CNTNAP5: variants seen among roughly 807,000 people sequenced by gnomAD.
CNTNAP5 encodes contactin-associated protein-like 5.
CNTNAP5 carries 72 observed loss-of-function variants against 150.2 expected under a neutral mutation model. The observed-to-expected ratio is 0.48, with a 90% confidence interval of 0.40 to 0.58. CNTNAP5 has a LOEUF of 0.58. Among genes scored for constraint, CNTNAP5 ranks in the 20% least tolerant of loss-of-function variants. The pLI, the probability that CNTNAP5 is intolerant of heterozygous loss-of-function variation, is 0.00. For synonymous variants in CNTNAP5, 672 were observed against 619.8 expected (o/e 1.08, Z -1.25); for missense variants, 1,636 against 1,626.2 (o/e 1.01, Z -0.10).
chr2:124,577,374 C>T (rs1320348831), intron 11 of CNTNAP5, among the ~76,000 whole-genome samples: 1 of 152,172 alleles, frequency 6.6e-6, no homozygotes, highest in African/African-American at 2.4e-5. Context: ...GCTGATTCCA[C>T]AGTTTATTTT....
At chr2:124,665,167 A>G (rs10171962) in intron 13 of CNTNAP5, among the ~76,000 whole-genome samples, 37,468 of 152,172 alleles carry the variant, frequency 0.25, 4,841 homozygotes, top group African/African-American at 0.33. Context: ...ATCAAAGGGT[A>G]TATTTACAAT....
intron 22 of CNTNAP5, among the ~76,000 whole-genome samples, chr2:124,906,671 C>A (rs1678544166): frequency 6.6e-6 from 1 of 152,218 alleles, no homozygotes; most frequent in Middle Eastern, 3.4e-3. Flanking sequence ...AGCCTGAGAT[C>A]TGTAGTGCCC....
chr2:124,439,750 C>A (rs1692628978), intron 5 of CNTNAP5, among the ~76,000 whole-genome samples: 1 of 152,106 alleles, frequency 6.6e-6, no homozygotes, highest in Non-Finnish European at 1.5e-5. Flanking sequence ...GCGTATTGCC[C>A]AACAAAGTTG....
intron 19 of CNTNAP5, among the ~76,000 whole-genome samples, chr2:124,825,154 C>A (rs1682566953): frequency 1.3e-5 from 2 of 151,788 alleles, no homozygotes; most frequent in African/African-American, 2.4e-5. Flanking sequence ...GGTAAATATA[C>A]CGCATTCTGC....
chr2:124,444,386 G>A (rs1168864587), intron 5 of CNTNAP5, among the ~76,000 whole-genome samples: 1 of 152,098 alleles, frequency 6.6e-6, no homozygotes, highest in East Asian at 1.9e-4. Flanking sequence ...TTGAGGTCAG[G>A]AGTTCAAGAC....
chr2:124,380,596 A>T (rs1308553274), intron 3 of CNTNAP5, among the ~76,000 whole-genome samples: 1 of 151,898 alleles, frequency 6.6e-6, no homozygotes, highest in African/African-American at 2.4e-5. Context: ...TAAATTACAG[A>T]CTCTTGTACT....
At chr2:124,097,945 A>G (rs112593996) in intron 1 of CNTNAP5, among the ~76,000 whole-genome samples, 14,168 of 152,172 alleles carry the variant, frequency 0.093, 782 homozygotes, top group Non-Finnish European at 0.13. Context: ...GGAGAATGGC[A>G]TGAACCCGGG....
intron 6 of CNTNAP5, among the ~76,000 whole-genome samples, chr2:124,456,748 C>G (rs1213933857): frequency 2.0e-5 from 3 of 151,986 alleles, no homozygotes; most frequent in Admixed American, 2.0e-4. Context: ...AATAGAAAAC[C>G]CAGAAATAAA....
chr2:124,908,886 C>A (rs568431680), intron 22 of CNTNAP5, among the ~76,000 whole-genome samples: 22 of 151,936 alleles, frequency 1.4e-4, no homozygotes, highest in African/African-American at 4.6e-4. Flanking sequence ...TAGAAAAAAT[C>A]TTCTAGCAAA....
At chr2:124,659,937 G>A (rs1678548067) in intron 13 of CNTNAP5, among the ~76,000 whole-genome samples, 1 of 152,044 alleles carries the variant, frequency 6.6e-6, no homozygotes, top group South Asian at 2.1e-4. Flanking sequence ...GAATGGGGGA[G>A]ACATTGTAGG....
At chr2:124,877,375 G>A (rs961060195) in intron 21 of CNTNAP5, among the ~76,000 whole-genome samples, 7 of 152,114 alleles carry the variant, frequency 4.6e-5, no homozygotes, top group Admixed American at 1.3e-4. Context: ...GTTTCCAAAT[G>A]CAGACTGTCT....
At chr2:124,026,470 A>T (rs1234064137) in intron 1 of CNTNAP5, among the ~76,000 whole-genome samples, 1 of 152,198 alleles carries the variant, frequency 6.6e-6, no homozygotes, top group East Asian at 1.9e-4. Context: ...AATAGGCAAG[A>T]AGCCTGGGCT....
intron 3 of CNTNAP5, among the ~76,000 whole-genome samples, chr2:124,364,682 G>A (rs1418658062): frequency 6.6e-6 from 1 of 152,190 alleles, no homozygotes; most frequent in Non-Finnish European, 1.5e-5. Context: ...AAGCAAGAAA[G>A]AGATATCATG....
intron 1 of CNTNAP5, among the ~76,000 whole-genome samples, chr2:124,091,431 A>C (rs1372414827): frequency 6.6e-6 from 1 of 152,134 alleles, no homozygotes; most frequent in Non-Finnish European, 1.5e-5. Context: ...GATTGCTAGA[A>C]CCTGGTAAGC....
chr2:124,368,010 A>G (rs1281554886), intron 3 of CNTNAP5, among the ~76,000 whole-genome samples: 1 of 152,150 alleles, frequency 6.6e-6, no homozygotes, highest in Non-Finnish European at 1.5e-5. Context: ...TGCCTTTCAA[A>G]TGTGTCTATA....
At chr2:124,377,884 C>A (rs1573954186) in intron 3 of CNTNAP5, among the ~76,000 whole-genome samples, 2 of 152,118 alleles carry the variant, frequency 1.3e-5, no homozygotes, top group South Asian at 4.2e-4. Flanking sequence ...ACTTTCACAT[C>A]CACCCTGTAA....
intron 1 of CNTNAP5, among the ~76,000 whole-genome samples, chr2:124,027,523 A>C (rs935706752): frequency 2.0e-5 from 3 of 152,366 alleles, no homozygotes; most frequent in Non-Finnish European, 4.4e-5. Context: ...AGAGCCAATA[A>C]AACAAATATT....
intron 10 of CNTNAP5, among the ~76,000 whole-genome samples, chr2:124,547,365 G>A (rs1695536438): frequency 1.3e-5 from 2 of 152,192 alleles, no homozygotes; most frequent in Non-Finnish European, 1.5e-5. Context: ...AAATACAGTT[G>A]ATGGGCAGTT....
intron 7 of CNTNAP5, among the ~76,000 whole-genome samples, chr2:124,498,161 G>A (rs951183488): frequency 6.6e-6 from 1 of 152,158 alleles, no homozygotes; most frequent in African/African-American, 2.4e-5. Flanking sequence ...TGGCAGAATG[G>A]CCTGAATACG....
Sources: gnomAD v4.1 joint callset for allele counts (sites outside exome capture counted in the v4.1 genomes callset) on GRCh38, gnomAD v4.1.1 for gene constraint, MANE v1.5 for transcripts, NCBI Gene and HGNC (gene_info 2026-07-23, HGNC 2026-07-21) for gene names.